The following TMEM132B variants were observed in gnomAD, a reference collection of about 807,000 sequenced individuals.
The protein encoded by TMEM132B is transmembrane protein 132B.
Under a neutral mutation model 90.8 loss-of-function variants are expected in TMEM132B, and 18 were observed. The observed-to-expected ratio is 0.20, with a 90% CI of 0.14 to 0.29. TMEM132B has a LOEUF of 0.29. Among genes scored for constraint, TMEM132B ranks in the 10% least tolerant of loss-of-function variants. TMEM132B has a pLI of 1.00. For synonymous variants in TMEM132B, 504 were observed against 523.3 expected (o/e 0.96, Z 0.50); for missense variants, 1,096 against 1,326.8 (o/e 0.83, Z 2.70).
intron 3 of TMEM132B, among the ~76,000 whole-genome samples, chr12:125,505,193 A>AAAAAAAAAAAAAC (rs1566056628): frequency 6.9e-6 from 1 of 145,332 alleles, no homozygotes; most frequent in African/African-American, 2.7e-5. Context: ...AAAAAAAAAA[A>AAAAAAAAAAAAAC]AACAGTAAGT....
intron 3 of TMEM132B, among the ~76,000 whole-genome samples, chr12:125,470,016 A>C (rs1437413295): frequency 2.0e-5 from 3 of 149,270 alleles, no homozygotes; most frequent in African/African-American, 5.2e-5. Flanking sequence ...CTTTCCAGTG[A>C]CCATTTTTGA....
At chr12:125,523,253 C>T (rs975970855) in intron 4 of TMEM132B, among the ~76,000 whole-genome samples, 2 of 152,126 alleles carry the variant, frequency 1.3e-5, no homozygotes, top group African/African-American at 2.4e-5. Flanking sequence ...AGTAGGTTCC[C>T]TGGGCTAAAG....
intron 1 of TMEM132B, among the ~76,000 whole-genome samples, chr12:125,345,236 C>T (rs915867498): frequency 1.3e-5 from 2 of 152,150 alleles, no homozygotes; most frequent in South Asian, 2.1e-4. Flanking sequence ...GGAGACTCAG[C>T]CTCAGAAATG....
chr12:125,586,337 C>T (rs1885178275), intron 5 of TMEM132B: 1 of 152,146 alleles, frequency 6.6e-6, no homozygotes, highest in Non-Finnish European at 1.5e-5. Context: ...TTTTGCGGGA[C>T]AGAATCAGAG....
At chr12:125,628,837 AT>A (rs913581345) in intron 5 of TMEM132B, among the ~76,000 whole-genome samples, 6 of 152,266 alleles carry the variant, frequency 3.9e-5, no homozygotes, top group African/African-American at 1.4e-4. Context: ...ATGGTAAGAT[AT>A]AGAGGTTTAG....
chr12:125,344,718 TG>T lies in TMEM132B; in HGVS notation c.68-4732del. Among the ~76,000 whole-genome samples, 2 of 152,232 alleles carry T rather than the reference TG, an allele frequency of 1.3e-5. 1 individual carries two copies. Among genetic ancestry groups the T allele is most frequent in the South Asian group, 4.2e-4 (2 of 4,810 alleles). On this transcript the variant is annotated intron_variant, in intron 1 of 8. Coordinates refer to ENST00000682704, the MANE Select transcript of TMEM132B (RefSeq NM_001366854.1). Reference sequence around the variant, plus strand: ...GCATGAGTGGAATGGCTGAAGTTGCTGGTCAGCTCAGAGAAGGTGTCTCTGA... The same window carrying T: ...GCATGAGTGGAATGGCTGAAGTTGCTGTCAGCTCAGAGAAGGTGTCTCTGA...
chr12:125,261,129 T>C (rs1874558717), intron 1 of TMEM132B, among the ~76,000 whole-genome samples: 1 of 152,214 alleles, frequency 6.6e-6, no homozygotes, highest in African/African-American at 2.4e-5. Flanking sequence ...CACCCACTTG[T>C]CTTCCCGGTG....
intron 5 of TMEM132B, among the ~76,000 whole-genome samples, chr12:125,598,233 A>G (rs1440357559): frequency 2.0e-5 from 3 of 152,228 alleles, no homozygotes; most frequent in East Asian, 1.9e-4. Context: ...GTGAACACAC[A>G]GAACAATACA....
At chr12:125,524,631 G>A (rs1883398196) in intron 4 of TMEM132B, among the ~76,000 whole-genome samples, 1 of 152,224 alleles carries the variant, frequency 6.6e-6, no homozygotes, top group Admixed American at 6.5e-5. Flanking sequence ...CTGGCATACT[G>A]CATGCACTCA....
intron 1 of TMEM132B, among the ~76,000 whole-genome samples, chr12:125,305,521 G>C (rs1875935981): frequency 1.3e-5 from 2 of 152,076 alleles, no homozygotes; most frequent in Admixed American, 1.3e-4. Context: ...AAATTCCATG[G>C]CATCGCGGAC....
rs1209420104 is a variant in TMEM132B, at chr12:125,658,153, A to G, written c.*3443A>G. 3 of 152,244 alleles carry G rather than the reference A, an allele frequency of 2.0e-5. No homozygotes were observed. Among genetic ancestry groups the G allele is most frequent in the African/African-American group, 7.2e-5 (3 of 41,466 alleles). The allele number at this position is 152,244 out of a possible 1,614,324, so 9.4% of individuals were successfully genotyped here. On this transcript the variant is annotated 3_prime_UTR_variant, in exon 9 of 9. Transcript: ENST00000682704. ...GGCCAGGATAAATTCCCAGACTATA[A>G]TAATCCTGACTATGTAGACGGAAGT...
chr12:125,473,255 TC>T (rs1475373160), intron 3 of TMEM132B, among the ~76,000 whole-genome samples: 3 of 152,184 alleles, frequency 2.0e-5, no homozygotes, highest in African/African-American at 7.2e-5. Context: ...TCCCCCTCCT[TC>T]TATAGGCCTC....
chr12:125,301,819 C>T, intron 1 of TMEM132B: 1 of 151,928 alleles, frequency 6.6e-6, no homozygotes, highest in East Asian at 1.9e-4. Flanking sequence ...GTGGAGCTTG[C>T]AGTGAGCTGA....
intron 5 of TMEM132B, among the ~76,000 whole-genome samples, chr12:125,635,547 G>A (rs913588519): frequency 1.3e-5 from 2 of 152,134 alleles, no homozygotes; most frequent in African/African-American, 2.4e-5. Context: ...ATCATTGATG[G>A]GCATTTGGGT....
intron 1 of TMEM132B, among the ~76,000 whole-genome samples, chr12:125,193,091 GA>G (rs2136050439): frequency 6.6e-6 from 1 of 152,316 alleles, no homozygotes; most frequent in Non-Finnish European, 1.5e-5. Flanking sequence ...GGCAAGAAAG[GA>G]AGGGCTGACT....
intron 4 of TMEM132B, among the ~76,000 whole-genome samples, chr12:125,553,193 C>T (rs1884279951): frequency 6.6e-6 from 1 of 152,240 alleles, no homozygotes; most frequent in African/African-American, 2.4e-5. Flanking sequence ...AATAGCTTCT[C>T]TGTACTGAAT....
At chr12:125,474,130 CT>C (rs1881804545) in intron 3 of TMEM132B, among the ~76,000 whole-genome samples, 1 of 143,658 alleles carries the variant, frequency 7.0e-6, no homozygotes, top group African/African-American at 2.6e-5. Context: ...ATTTTCTTTC[CT>C]CTCTCTCTCG....
chr12:125,367,142 A>G (rs1387958507), intron 2 of TMEM132B, among the ~76,000 whole-genome samples: 2 of 152,146 alleles, frequency 1.3e-5, no homozygotes, highest in Non-Finnish European at 2.9e-5. Context: ...TGGTAATTCT[A>G]ACATCTGGGT....
chr12:125,404,017 C>A (rs1157804415), intron 2 of TMEM132B, among the ~76,000 whole-genome samples: 2 of 152,076 alleles, frequency 1.3e-5, no homozygotes, highest in Non-Finnish European at 2.9e-5. Flanking sequence ...GCTGCTGCAG[C>A]AACACTGTGA....
Sources: gnomAD v4.1 joint callset for allele counts (sites outside exome capture counted in the v4.1 genomes callset) on GRCh38, gnomAD v4.1.1 for gene constraint, MANE v1.5 for transcripts, NCBI Gene and HGNC (gene_info 2026-07-23, HGNC 2026-07-21) for gene names.